Variants in HAND1 observed in about 807,000 individuals in gnomAD.
HAND1 encodes heart- and neural crest derivatives-expressed protein 1.
In HAND1, 10 loss-of-function variants were observed where a neutral mutation model predicts 14.5. The observed-to-expected ratio is 0.69, with a 90% confidence interval of 0.42 to 1.17. HAND1 has a LOEUF of 1.17. Ranked by LOEUF, HAND1 falls within the 50% of genes most tolerant of loss-of-function variation. HAND1 has a pLI of 0.00. For synonymous variants in HAND1, 128 were observed against 127.1 expected (o/e 1.01, Z -0.05); for missense variants, 299 against 298.4 (o/e 1.00, Z -0.01).
At position 154,477,650 on chromosome 5, in the gene HAND1, C is replaced by A; in HGVS notation, c.359G>T (p.Cys120Phe). The A allele has an allele frequency of 1.2e-6, 2 of 1,614,252 alleles. No individual in the cohort carries two copies. Among genetic ancestry groups the A allele is most frequent in the Non-Finnish European group, 1.7e-6 (2 of 1,180,046 alleles). ...GGTGTCGGCCGGCACGTTGGGGATG[C>A]ACTCGCGCAACTCCGCGAATGCGCT... Reference protein sequence around the residue: ...INSAFAELRECIPNVPADTKL... With the variant: ...INSAFAELREFIPNVPADTKL... The change falls in exon 1 of 2, where the codon TGC becomes TTC. Residue 120 changes from cysteine to phenylalanine, a missense_variant. By Grantham distance (205) the Cys-to-Phe change is radical. Coordinates refer to ENST00000231121, the MANE Select transcript of HAND1 (RefSeq NM_004821.3).
chr5:154,477,090 C>T (rs1389406040), intron 1 of HAND1, among the ~76,000 whole-genome samples: 2 of 152,186 alleles, frequency 1.3e-5, no homozygotes, highest in Admixed American at 1.3e-4. Flanking sequence ...CGAGCCCGGG[C>T]ACATAAATTC....
intron 1 of HAND1, 103 bp from the exon 2 acceptor site, chr5:154,476,013 C>A (rs1270041639): frequency 1.2e-6 from 1 of 831,666 alleles, no homozygotes; most frequent in Admixed American, 2.0e-5. Context: ...GGGAAGGTGT[C>A]GGGAGCAGTA....
chr5:154,478,161 A>G lies in HAND1; in HGVS notation c.-153T>C, dbSNP rs1757580474. 1.3e-6 allele frequency: 1 copy of G among 789,092 alleles called. No homozygotes were observed. Among genetic ancestry groups the G allele is most frequent in the Non-Finnish European group, 2.0e-6 (1 of 490,504 alleles). The allele number at this position is 789,092 out of a possible 1,614,324, so 48.9% of individuals were successfully genotyped here. A position where few individuals can be genotyped will look rare whatever the true frequency, so the allele number is the denominator to read the frequency against. On this transcript the variant is annotated 5_prime_UTR_variant, in exon 1 of 2. Coordinates refer to ENST00000231121, the MANE Select transcript of HAND1 (RefSeq NM_004821.3). The surrounding 1 kb of genome is among the most constrained non-coding windows in gnomAD (Gnocchi z 4.5). ...AGGCTGAAAATGAGACGCGCAGCCC[A>G]CTGTCTTCTTACCGGTTTCTGCCGC...
At position 154,475,636 on chromosome 5, in the gene HAND1, G is replaced by A. The variant is rs1757529077; in HGVS notation, c.*170C>T. Reference sequence around the variant, plus strand: ...AAAAATCAAAGGACATTGCACGTGCGATCCAAGTGTGTGGTTGCAGCCGAC... The same window carrying A: ...AAAAATCAAAGGACATTGCACGTGCAATCCAAGTGTGTGGTTGCAGCCGAC... On this transcript the variant is annotated 3_prime_UTR_variant, in exon 2 of 2. Transcript: ENST00000231121. 3.1e-6 allele frequency: 2 copies of A among 636,646 alleles called. No individual in the cohort carries two copies. The highest frequency in any genetic ancestry group is 5.7e-6 in the Non-Finnish European group (2 of 351,714). The allele number at this position is 636,646 out of a possible 1,614,324, so 39.4% of individuals were successfully genotyped here.
chr5:154,476,091 C>A (rs1757537011), intron 1 of HAND1, among the ~76,000 whole-genome samples, 181 bp from the exon 2 acceptor site: 1 of 152,122 alleles, frequency 6.6e-6, no homozygotes, highest in Non-Finnish European at 1.5e-5. Context: ...GTAAATTTGC[C>A]TTTATGCGCG....
chr5:154,475,700 A>G lies in HAND1; in HGVS notation c.*106T>C. On this transcript the variant is annotated 3_prime_UTR_variant, in exon 2 of 2. Transcript: ENST00000231121. ...TCAGCAGAAGCTCCGCGGGATGCGT[A>G]GCACCAGTCGCCGGAGCCCAGAGCC... is the stretch of plus-strand genomic sequence containing the variant. The G allele has an allele frequency of 1.2e-6, 1 of 832,956 alleles. No individual in the cohort carries two copies. Among genetic ancestry groups the G allele is most frequent in the Non-Finnish European group, 2.1e-6 (1 of 487,694 alleles). The allele number at this position is 832,956 out of a possible 1,614,324, so 51.6% of individuals were successfully genotyped here. A position where few individuals can be genotyped will look rare whatever the true frequency, so the allele number is the denominator to read the frequency against.
chr5:154,477,921 C>A lies in HAND1; in HGVS notation c.88G>T (p.Gly30Cys). The A allele has an allele frequency of 6.3e-7, 1 of 1,599,108 alleles. No individual in the cohort carries two copies. Among genetic ancestry groups the A allele is most frequent in the East Asian group, 2.2e-5 (1 of 44,860 alleles). Residue 30 changes from glycine (G) to cysteine (C), a missense_variant, in exon 1 of 2, where the codon GGT becomes TGT. By Grantham distance (159) the Gly-to-Cys change is radical. Transcript: ENST00000231121. ...TCCTGATGACAGCGCGAGGCCGGAC[C>A]GAAGAGGAAGGGTTCGTGGAGCATG... is the stretch of plus-strand genomic sequence containing the variant. ...HPMLHEPFLF[G>C]PASRCHQERP...
Position 154,475,403 on chromosome 5 carries a change from G to C in HAND1, c.*403C>G, listed in dbSNP as rs1166507278. On this transcript the variant is annotated 3_prime_UTR_variant, in exon 2 of 2. Transcript: ENST00000231121. ...AATTAGAGAAGACGGCGTCGGGGCG[G>C]ATCATATGGAGGGACAAGAGAGAAA... 5.3e-6 allele frequency: 1 copy of C among 189,170 alleles called. No homozygotes were observed. Among genetic ancestry groups the C allele is most frequent in the South Asian group, 1.1e-4 (1 of 8,864 alleles). The allele number at this position is 189,170 out of a possible 1,614,324, so 11.7% of individuals were successfully genotyped here.
Position 154,477,823 on chromosome 5 carries a change from C to A in HAND1, c.186G>T (p.Pro62=), listed in dbSNP as rs748732968. Residue 62 remains proline (P), a synonymous_variant, in exon 1 of 2, where the codon CCG becomes CCT. Transcript: ENST00000231121. ...CGGTGGCGGCTGCAGCGGCCGCGGG[C>A]GGCGGCCCGCCCGCAGGGAAGTCCG... ...AAPDFPAGGP[P]PAAAAAATAY... 23 of 1,589,860 alleles carry A rather than the reference C, an allele frequency of 1.4e-5. No individual in the cohort carries two copies. The highest frequency in any genetic ancestry group is 1.9e-5 in the Non-Finnish European group (22 of 1,175,650).
Position 154,477,533 on chromosome 5 carries a change from G to A in HAND1, c.476C>T (p.Pro159Leu), listed in dbSNP as rs1191667279. The A allele has an allele frequency of 1.9e-6, 3 of 1,614,186 alleles. No individual in the cohort carries two copies. The highest frequency in any genetic ancestry group is 2.2e-5 in the East Asian group (1 of 44,882). Residue 159 changes from proline to leucine, a missense_variant, in exon 1 of 2, where the codon CCC (proline) becomes CTC (leucine). Pro to Leu is a moderately conservative substitution (Grantham distance 98). Coordinates refer to ENST00000231121, the MANE Select transcript of HAND1 (RefSeq NM_004821.3). Reference protein sequence around the residue: ...VLAKDAQSGDPEAFKAELKKA... With the variant: ...VLAKDAQSGDLEAFKAELKKA... ...CTTGAGTTCAGCCTTGAAGGCCTCG[G>A]GATCGCCAGACTGTGCATCCTTGGC...
chr5:154,476,643 C>T (rs1201370876), intron 1 of HAND1, among the ~76,000 whole-genome samples: 1 of 152,152 alleles, frequency 6.6e-6, no homozygotes, highest in Admixed American at 6.5e-5. Context: ...GTTGGATAAA[C>T]CAGGTGGGGC....
chr5:154,477,548 G>A lies in HAND1; in HGVS notation c.461C>T (p.Ala154Val). The change falls in exon 1 of 2, where the codon GCA becomes GTA. Residue 154 changes from alanine to valine, a missense_variant. Transcript: ENST00000231121. ...GAAGGCCTCGGGATCGCCAGACTGT[G>A]CATCCTTGGCCAGCACGTCCATCAG... ...AYLMDVLAKD[A>V]QSGDPEAFKA... 1 of 1,614,186 alleles carries A rather than the reference G, an allele frequency of 6.2e-7. No individual in the cohort carries two copies. The highest frequency in any genetic ancestry group is 8.5e-7 in the Non-Finnish European group (1 of 1,180,020).
In HAND1 at chr5:154,476,281, C is replaced by G. The variant is rs542539286; in HGVS notation, c.544-371G>C. Among the ~76,000 whole-genome samples the G allele has an allele frequency of 3.9e-5, 6 of 152,294 alleles. No homozygotes were observed. In the South Asian group the frequency reaches 1.2e-3, roughly 32 times the overall value. On this transcript the variant is annotated intron_variant, in intron 1 of 1. Transcript: ENST00000231121. Reference sequence around the variant, plus strand: ...TCCCGCTCTCGCTGCACCCCACACACTTCCGCCAGCCTCCCAACCTGGTTT... The same window carrying G: ...TCCCGCTCTCGCTGCACCCCACACAGTTCCGCCAGCCTCCCAACCTGGTTT...
chr5:154,477,437 G>T (rs779315231), intron 1 of HAND1, 29 bp downstream of exon 1: 36 of 1,564,190 alleles, frequency 2.3e-5, no homozygotes, highest in Non-Finnish European at 3.1e-5. Flanking sequence ...CTGCACCCTT[G>T]GCTGGAGCAT....
In HAND1 at chr5:154,477,790, A is replaced by G. The variant is rs6880185; in HGVS notation, c.219T>C (p.Gly73=). 12 of 1,589,098 alleles carry G rather than the reference A, an allele frequency of 7.6e-6. No homozygotes were observed. Among genetic ancestry groups the G allele is most frequent in the Middle Eastern group, 1.7e-4 (1 of 5,736 alleles). ...PAAAAAATAY[G]PDARPGQSPG... ...GGCTCTGCCCAGGCCTGGCGTCAGGACCATAGGCGGTGGCGGCTGCAGCGG... is the reference window on the plus strand; with the variant it reads ...GGCTCTGCCCAGGCCTGGCGTCAGGGCCATAGGCGGTGGCGGCTGCAGCGG... The change falls in exon 1 of 2, where the codon GGT becomes GGC. Residue 73 remains glycine (G), a synonymous_variant. Coordinates refer to ENST00000231121, the MANE Select transcript of HAND1 (RefSeq NM_004821.3).
In HAND1 at chr5:154,477,793, A is replaced by G. The variant is rs1757570880; in HGVS notation, c.216T>C (p.Tyr72=). The G allele has an allele frequency of 1.9e-6, 3 of 1,591,964 alleles. No homozygotes were observed. Among genetic ancestry groups the G allele is most frequent in the Non-Finnish European group, 2.6e-6 (3 of 1,173,260 alleles). Residue 72 remains tyrosine, a synonymous_variant, in exon 1 of 2, where the codon TAT becomes TAC. Coordinates refer to ENST00000231121, the MANE Select transcript of HAND1 (RefSeq NM_004821.3). ...PPAAAAAATA[Y]GPDARPGQSP... The stretch of plus-strand genomic sequence containing the variant: ...TCTGCCCAGGCCTGGCGTCAGGACC[A>G]TAGGCGGTGGCGGCTGCAGCGGCCG...
At chr5:154,477,415 T>C (rs766327751) in intron 1 of HAND1, 51 bp downstream of exon 1, 1 of 1,426,026 alleles carries the variant, frequency 7.0e-7, no homozygotes, top group Non-Finnish European at 9.9e-7. Flanking sequence ...GGCCTGAGGC[T>C]GCTCACCGCT....
Position 154,475,927 on chromosome 5 carries a change from A to G in HAND1, c.544-17T>C, listed in dbSNP as rs1757534240. ...GTGCTGCTGCTGCCAAAGGACACAC[A>G]GAAGAAAAGAGGCGGGAGAGACAGG... On this transcript the variant is annotated splice_polypyrimidine_tract_variant and intron_variant, in intron 1 of 1. Transcript: ENST00000231121. 3 of 1,592,626 alleles carry G rather than the reference A, an allele frequency of 1.9e-6. No individual in the cohort carries two copies. The highest frequency in any genetic ancestry group is 1.1e-5 in the South Asian group (1 of 90,640).
At position 154,477,586 on chromosome 5, in the gene HAND1, G is replaced by T; in HGVS notation, c.423C>A (p.Ser141Arg). The T allele has an allele frequency of 1.9e-6, 3 of 1,614,254 alleles. No homozygotes were observed. The highest frequency in any genetic ancestry group is 2.5e-6 in the Non-Finnish European group (3 of 1,180,034). The change falls in exon 1 of 2, where the codon AGC becomes AGA. Residue 141 changes from serine to arginine, a missense_variant. Transcript: ENST00000231121. ...SKIKTLRLATSYIAYLMDVLA... is the reference protein window; with the variant it reads ...SKIKTLRLATRYIAYLMDVLA... Reference sequence around the variant, plus strand: ...GCACGTCCATCAGGTAGGCGATGTAGCTGGTGGCTAGGCGCAGAGTCTTGA... The same window carrying T: ...GCACGTCCATCAGGTAGGCGATGTATCTGGTGGCTAGGCGCAGAGTCTTGA...
Sources: allele counts gnomAD v4.1 joint callset (sites outside exome capture counted in the v4.1 genomes callset), GRCh38; gene constraint gnomAD v4.1.1; non-coding constraint Gnocchi (gnomAD v3.1); transcripts MANE v1.5; gene names NCBI Gene and HGNC (gene_info 2026-07-23, HGNC 2026-07-21).